CNTNAP2: variants seen among roughly 807,000 people sequenced by gnomAD.
CNTNAP2 encodes the protein contactin-associated protein-like 2.
CNTNAP2 carries 98 observed loss-of-function variants against 155.2 expected under a neutral mutation model. That is an observed-to-expected ratio of 0.63 (90% CI 0.54 to 0.75). CNTNAP2 has a LOEUF of 0.75. Among genes scored for constraint, CNTNAP2 ranks in the 30% least tolerant of loss-of-function variants. The pLI is 0.00. For synonymous variants in CNTNAP2, 651 were observed against 631.2 expected (o/e 1.03, Z -0.47); for missense variants, 1,727 against 1,688.1 (o/e 1.02, Z -0.40).
At chr7:146,215,565 C>T (rs946947951) in intron 1 of CNTNAP2, among the ~76,000 whole-genome samples, 5 of 151,482 alleles carry the variant, frequency 3.3e-5, no homozygotes, top group Admixed American at 2.0e-4. Context: ...AAAGAGGGTT[C>T]GCCTTATGAA....
At chr7:147,030,445 T>C (rs1799007759) in intron 3 of CNTNAP2, among the ~76,000 whole-genome samples, 1 of 152,190 alleles carries the variant, frequency 6.6e-6, no homozygotes, top group South Asian at 2.1e-4. Flanking sequence ...TAAAGCCAAA[T>C]TTTTAGACAC....
chr7:147,160,832 T>C (rs988519014), intron 8 of CNTNAP2, among the ~76,000 whole-genome samples: 11 of 152,146 alleles, frequency 7.2e-5, no homozygotes, highest in Non-Finnish European at 1.2e-4. Context: ...TGCACAGAGA[T>C]AATTTCATAC....
intron 3 of CNTNAP2, among the ~76,000 whole-genome samples, chr7:146,867,539 A>T (rs1419009244): frequency 1.3e-5 from 2 of 152,054 alleles, no homozygotes; most frequent in African/African-American, 4.8e-5. Flanking sequence ...TATACCTGGT[A>T]ATGGGATTGC....
intron 14 of CNTNAP2, among the ~76,000 whole-genome samples, chr7:147,944,145 A>G (rs1454904951): frequency 1.3e-5 from 2 of 152,182 alleles, no homozygotes; most frequent in Non-Finnish European, 2.9e-5. Context: ...TATTCAATGG[A>G]AGATCTAGCC....
At chr7:147,791,995 C>G (rs937091335) in intron 13 of CNTNAP2, among the ~76,000 whole-genome samples, 2 of 152,180 alleles carry the variant, frequency 1.3e-5, no homozygotes, top group East Asian at 3.9e-4. Context: ...CAAGGTGGGT[C>G]TCCTAGTGTT....
intron 11 of CNTNAP2, among the ~76,000 whole-genome samples, chr7:147,552,613 T>G (rs1009236578): frequency 2.0e-5 from 3 of 146,572 alleles, no homozygotes; most frequent in African/African-American, 5.3e-5. Flanking sequence ...CACACAGAGA[T>G]ATAAATAAGA....
At chr7:146,927,171 G>A (rs1308601210) in intron 3 of CNTNAP2, among the ~76,000 whole-genome samples, 2 of 152,152 alleles carry the variant, frequency 1.3e-5, no homozygotes, top group East Asian at 1.9e-4. Context: ...AGGGCAAAGA[G>A]TTCTCCTGTA....
At chr7:146,661,380 A>G (rs1343903353) in intron 1 of CNTNAP2, among the ~76,000 whole-genome samples, 1 of 152,062 alleles carries the variant, frequency 6.6e-6, no homozygotes, top group East Asian at 1.9e-4. Context: ...AAAGGTATGC[A>G]GTCATGTAAC....
chr7:146,543,947 C>T (rs376149363), intron 1 of CNTNAP2, among the ~76,000 whole-genome samples: 2 of 151,854 alleles, frequency 1.3e-5, no homozygotes, highest in Non-Finnish European at 2.9e-5. Context: ...CAGTCCACTC[C>T]TGACTTTATT....
At chr7:148,095,717 G>A (rs541939480) in intron 15 of CNTNAP2, among the ~76,000 whole-genome samples, 2 of 152,278 alleles carry the variant, frequency 1.3e-5, no homozygotes, top group East Asian at 3.9e-4. Flanking sequence ...CACCATCGGG[G>A]AAAAATAATA....
chr7:148,219,462 G>A (rs1450858785), intron 19 of CNTNAP2, among the ~76,000 whole-genome samples: 1 of 152,196 alleles, frequency 6.6e-6, no homozygotes, highest in African/African-American at 2.4e-5. Flanking sequence ...GGAAGGCTGA[G>A]GCAGGAGGAT....
intron 1 of CNTNAP2, among the ~76,000 whole-genome samples, chr7:146,770,985 A>T (rs985929586): frequency 6.6e-6 from 1 of 152,080 alleles, no homozygotes; most frequent in African/African-American, 2.4e-5. Context: ...TCCTAGCATG[A>T]TCCTGCAGAT....
intron 3 of CNTNAP2, among the ~76,000 whole-genome samples, chr7:146,923,283 G>A (rs1880317): frequency 0.45 from 68,947 of 152,020 alleles, 16,674 homozygotes; most frequent in African/African-American, 0.62. Context: ...CATGAAGGTA[G>A]CATTTACTTA....
intron 13 of CNTNAP2, among the ~76,000 whole-genome samples, chr7:147,708,227 A>C (rs924540679): frequency 2.6e-5 from 4 of 152,136 alleles, no homozygotes; most frequent in Non-Finnish European, 5.9e-5. Flanking sequence ...AACAGCAGTC[A>C]CTTGCAGTGA....
chr7:147,761,034 T>C (rs548790267), intron 13 of CNTNAP2, among the ~76,000 whole-genome samples: 1 of 152,202 alleles, frequency 6.6e-6, no homozygotes, highest in African/African-American at 2.4e-5. Flanking sequence ...GCTGGCATTA[T>C]AGTATATGGC....
Position 148,165,034 on chromosome 7 carries a change from C to A in CNTNAP2, c.2774-7208C>A, listed in dbSNP as rs1041717481. Among the ~76,000 whole-genome samples the A allele has an allele frequency of 1.2e-4, 18 of 152,270 alleles. No individual in the cohort carries two copies. In the East Asian group the frequency reaches 2.7e-3, roughly 23 times the overall value. On this transcript the variant is annotated intron_variant, in intron 17 of 23. Transcript: ENST00000361727. ...CAGGGAGGTCTAGATCAGCCCGAGCCTGATAACCCTTCCTCATTGTCTTGG... is the reference window on the plus strand; with the variant it reads ...CAGGGAGGTCTAGATCAGCCCGAGCATGATAACCCTTCCTCATTGTCTTGG...
At chr7:147,525,883 A>T (rs763132150) in intron 11 of CNTNAP2, among the ~76,000 whole-genome samples, 2 of 152,174 alleles carry the variant, frequency 1.3e-5, no homozygotes, top group Admixed American at 6.5e-5. Context: ...AGGAGCCAGT[A>T]GTCCAATTGT....
intron 1 of CNTNAP2, among the ~76,000 whole-genome samples, chr7:146,582,168 G>A (rs1318330999): frequency 2.0e-5 from 3 of 152,100 alleles, no homozygotes; most frequent in African/African-American, 7.2e-5. Flanking sequence ...AGTCTGGAGT[G>A]GGTGACTTCA....
chr7:146,126,553 T>C (rs1415691262), intron 1 of CNTNAP2, among the ~76,000 whole-genome samples: 2 of 152,348 alleles, frequency 1.3e-5, no homozygotes, highest in East Asian at 1.9e-4. Context: ...TAAAGCTATG[T>C]AAAATATTTC....
Sources: gnomAD v4.1 joint callset for allele counts (sites outside exome capture counted in the v4.1 genomes callset) on GRCh38, gnomAD v4.1.1 for gene constraint, MANE v1.5 for transcripts, NCBI Gene and HGNC (gene_info 2026-07-23, HGNC 2026-07-21) for gene names.